PCDH11X: variants seen among roughly 807,000 people sequenced by gnomAD.
PCDH11X encodes the protein protocadherin-11 X-linked.
Under a neutral mutation model 53.3 loss-of-function variants are expected in PCDH11X, and 18 were observed. The ratio of observed to expected loss-of-function variants is 0.34; its 90% CI spans 0.23 to 0.50. The LOEUF is 0.50. PCDH11X is among the 20% of genes least tolerant of loss of function. The pLI, the probability that PCDH11X is intolerant of heterozygous loss-of-function variation, is 0.98. For synonymous variants in PCDH11X, 279 were observed against 393.3 expected, an observed-to-expected ratio of 0.71 and a Z score of 3.44; for missense variants, 570 against 1,032.4, an observed-to-expected ratio of 0.55 and a Z score of 6.14.
intron 7 of PCDH11X, among the ~76,000 whole-genome samples, chrX:92,237,827 T>C (rs969783325): frequency 8.9e-6 from 1 of 111,739 alleles, no homozygotes; most frequent in Non-Finnish European, 1.9e-5. Flanking sequence ...TAAAACCACT[T>C]ATGCCAAAGC....
chrX:92,542,625 CAACT>C (rs1277451608), intron 10 of PCDH11X, among the ~76,000 whole-genome samples: 1 of 111,087 alleles, frequency 9.0e-6, no homozygotes, highest in Non-Finnish European at 1.9e-5. Flanking sequence ...AATTTGAAGT[CAACT>C]AATATATAAG....
intron 9 of PCDH11X, among the ~76,000 whole-genome samples, chrX:92,466,792 A>AT (rs1230990544): frequency 9.1e-6 from 1 of 109,618 alleles, no homozygotes. Flanking sequence ...TACATTACTT[A>AT]TTTTTTTGAC....
At chrX:92,104,800 G>C (rs2064339641) in intron 6 of PCDH11X, among the ~76,000 whole-genome samples, 1 of 110,345 alleles carries the variant, frequency 9.1e-6, no homozygotes. Context: ...GGAAATAAGG[G>C]ATTGGGGTGC....
chrX:91,930,682 CT>C (rs1942103054), intron 6 of PCDH11X, among the ~76,000 whole-genome samples: 1 of 105,463 alleles, frequency 9.5e-6, no homozygotes, highest in Non-Finnish European at 1.9e-5. Flanking sequence ...GCTGGTAGCC[CT>C]GTCACAAGCA....
At chrX:92,587,858 A>G (rs1342424065) in intron 10 of PCDH11X, among the ~76,000 whole-genome samples, 1 of 110,793 alleles carries the variant, frequency 9.0e-6, no homozygotes, top group Non-Finnish European at 1.9e-5. Flanking sequence ...TCCATCATTT[A>G]AATAATAATC....
chrX:91,879,411 T>C (rs1366561891), intron 6 of PCDH11X, 138 bp downstream of exon 6: 2 of 1,071,819 alleles, frequency 1.9e-6, no homozygotes, highest in Non-Finnish European at 2.4e-6. Context: ...CCAATAGATA[T>C]ATGGATTCAA....
intron 8 of PCDH11X, among the ~76,000 whole-genome samples, chrX:92,356,990 A>G (rs2070224842): frequency 9.0e-6 from 1 of 111,507 alleles, no homozygotes. Context: ...AACAGTGAAA[A>G]TGCAATAAGT....
intron 8 of PCDH11X, among the ~76,000 whole-genome samples, chrX:92,273,017 G>T (rs778407133): frequency 8.9e-6 from 1 of 111,849 alleles, no homozygotes; most frequent in East Asian, 2.8e-4. Flanking sequence ...CTTTGTTTTA[G>T]ATATATTATT....
chrX:92,569,561 A>C (rs1185643432), intron 10 of PCDH11X, among the ~76,000 whole-genome samples: 1 of 111,212 alleles, frequency 9.0e-6, no homozygotes, highest in African/African-American at 3.3e-5. Context: ...GATTTATTAC[A>C]ATCATTTTAT....
intron 6 of PCDH11X, among the ~76,000 whole-genome samples, chrX:91,927,252 A>T (rs757889527): frequency 2.7e-5 from 3 of 109,515 alleles, no homozygotes; most frequent in African/African-American, 9.9e-5. Flanking sequence ...AGTCAATATG[A>T]TCGCAAGTTT....
intron 6 of PCDH11X, among the ~76,000 whole-genome samples, chrX:91,925,159 A>G (rs1336025504): frequency 9.0e-6 from 1 of 111,291 alleles, no homozygotes; most frequent in Admixed American, 9.6e-5. Context: ...TGGACTTAAT[A>G]CATCTCACCT....
At chrX:92,332,127 C>G (rs1443830650) in intron 8 of PCDH11X, among the ~76,000 whole-genome samples, 1 of 111,751 alleles carries the variant, frequency 8.9e-6, no homozygotes, top group Non-Finnish European at 1.9e-5. Flanking sequence ...GAAATCACCA[C>G]CATTTGCAAA....
intron 6 of PCDH11X, among the ~76,000 whole-genome samples, chrX:91,901,720 A>G (rs1940962376): frequency 8.9e-6 from 1 of 112,160 alleles, no homozygotes; most frequent in African/African-American, 3.2e-5. Flanking sequence ...TTACAAAGAT[A>G]ACTAATTAAA....
intron 5 of PCDH11X, among the ~76,000 whole-genome samples, chrX:91,853,991 A>C (rs1938182516): frequency 9.0e-6 from 1 of 111,240 alleles, no homozygotes; most frequent in Non-Finnish European, 1.9e-5. Context: ...TCCCTCAAGC[A>C]TTTATCCTTT....
chrX:91,883,963 G>A, intron 6 of PCDH11X: 46 of 672,743 alleles, frequency 6.8e-5, no homozygotes, highest in Non-Finnish European at 7.9e-5. Flanking sequence ...GCCGAGGTGG[G>A]TGGATCACCT....
chrX:92,261,548 A>T (rs746568034), intron 7 of PCDH11X, among the ~76,000 whole-genome samples: 1 of 111,992 alleles, frequency 8.9e-6, no homozygotes, highest in African/African-American at 3.2e-5. Context: ...CTCACTAAAA[A>T]TTTTAATGCT....
Position 92,417,899 on chromosome X carries a change from G to A in PCDH11X, c.3343+29966G>A, listed in dbSNP as rs777120399. 2.4e-4 allele frequency among the ~76,000 whole-genome samples: 23 copies of A among 94,397 alleles called. No homozygotes were observed. In the East Asian group the frequency reaches 3.4e-3, roughly 14 times the overall value. 82.0% of individuals were successfully genotyped at this position (94,397 alleles called of 115,157 possible). ...TTCACAAACTAGAAGGTTAAGGCTC[G>A]CATAGCCGACTCCTAGCAGATTGGT... is the stretch of plus-strand genomic sequence containing the variant. On this transcript the variant is annotated intron_variant, in intron 9 of 10. Coordinates refer to ENST00000682573, the MANE Select transcript of PCDH11X (RefSeq NM_032968.5).
intron 6 of PCDH11X, among the ~76,000 whole-genome samples, chrX:92,199,134 C>A (rs2066346974): frequency 8.9e-6 from 1 of 111,835 alleles, no homozygotes; most frequent in African/African-American, 3.2e-5. Context: ...ACTTCCCTTC[C>A]AATGTCTAAA....
chrX:92,189,854 G>A (rs1397409894), intron 6 of PCDH11X, among the ~76,000 whole-genome samples: 1 of 111,964 alleles, frequency 8.9e-6, no homozygotes, highest in Non-Finnish European at 1.9e-5. Flanking sequence ...TTGGTCACAA[G>A]AATGTCTTCT....
Sources: allele counts gnomAD v4.1 joint callset (sites outside exome capture counted in the v4.1 genomes callset), GRCh38; gene constraint gnomAD v4.1.1; transcripts MANE v1.5; gene names NCBI Gene and HGNC (gene_info 2026-07-23, HGNC 2026-07-21).